Variants in JAKMIP3 observed in about 807,000 individuals in gnomAD.
The protein encoded by JAKMIP3 is Janus kinase and microtubule interacting protein 3, also known as janus kinase and microtubule-interacting protein 3.
In JAKMIP3, 58 loss-of-function variants were observed where a neutral mutation model predicts 118.5. The observed-to-expected ratio is 0.49, with a 90% confidence interval of 0.40 to 0.61. JAKMIP3 has a LOEUF of 0.61. Among genes scored for constraint, JAKMIP3 ranks in the 20% least tolerant of loss-of-function variants. JAKMIP3 has a pLI of 0.00. For synonymous variants in JAKMIP3, 486 were observed against 451.2 expected, an observed-to-expected ratio of 1.08 and a Z score of -0.98; for missense variants, 950 against 1,109.0, an observed-to-expected ratio of 0.86 and a Z score of 2.04.
intron 1 of JAKMIP3, among the ~76,000 whole-genome samples, chr10:132,045,933 T>C (rs1451365587): frequency 6.9e-6 from 1 of 144,138 alleles, no homozygotes; most frequent in Non-Finnish European, 1.5e-5. Flanking sequence ...GATCCTGTCT[T>C]AAAAAAAAAA....
rs191001606 is a variant in JAKMIP3 at position 132,140,905 on chromosome 10, C to T, written c.1473+326C>T. Among the ~76,000 whole-genome samples the T allele has an allele frequency of 7.9e-5, 12 of 152,326 alleles. No homozygotes were observed. In the East Asian group the frequency reaches 2.3e-3, roughly 29 times the overall value. ...TGCATAGGGGTACGGTGAGCTCTCC[C>T]TTCCTAAGGGGCCTCCCCAGGAGGG... On this transcript the variant is annotated intron_variant, in intron 10 of 23. Transcript: ENST00000684848.
At chr10:132,180,584 C>T (rs61865792) in intron 23 of JAKMIP3, among the ~76,000 whole-genome samples, 524 of 9,840 alleles carry the variant, frequency 0.053, 150 homozygotes, top group African/African-American at 0.19. Flanking sequence ...TGTGTGCGTG[C>T]GCGTGTGTGT....
upstream of JAKMIP3, among the ~76,000 whole-genome samples, chr10:132,060,686 A>G (rs955327416): frequency 1.3e-5 from 2 of 152,228 alleles, no homozygotes; most frequent in African/African-American, 4.8e-5. Flanking sequence ...GATTGGAAAG[A>G]AACAAAAATA....
chr10:132,132,902 G>A (rs112713460), intron 3 of JAKMIP3, among the ~76,000 whole-genome samples: 16 of 152,322 alleles, frequency 1.1e-4, no homozygotes, highest in African/African-American at 3.6e-4. Context: ...CCTTCCTATT[G>A]GCAGAGTGTG....
At chr10:132,078,603 G>C (rs1194590693) in intron 1 of JAKMIP3, among the ~76,000 whole-genome samples, 8 of 125,970 alleles carry the variant, frequency 6.4e-5, no homozygotes, top group Admixed American at 8.4e-5. Flanking sequence ...CTGAGCCCAG[G>C]GACCTTCTCT....
intron 1 of JAKMIP3, among the ~76,000 whole-genome samples, chr10:132,043,382 G>A (rs2037818072): frequency 6.6e-6 from 1 of 151,896 alleles, no homozygotes; most frequent in South Asian, 2.1e-4. Context: ...TTCCGTTTGT[G>A]TGTGTGTGTG....
At chr10:132,102,798 G>T (rs530791684) in intron 1 of JAKMIP3, among the ~76,000 whole-genome samples, 30 of 152,284 alleles carry the variant, frequency 2.0e-4, no homozygotes, top group Middle Eastern at 6.8e-3. Flanking sequence ...TCATCAAACT[G>T]CAGGGCCCAT....
intron 1 of JAKMIP3, among the ~76,000 whole-genome samples, chr10:132,094,512 A>G (rs1450949994): frequency 2.0e-5 from 3 of 151,890 alleles, no homozygotes; most frequent in Non-Finnish European, 2.9e-5. Flanking sequence ...GGTGGGCTGT[A>G]GTGATTGTTA....
At chr10:132,125,296 T>C (rs1457038261) in intron 3 of JAKMIP3, among the ~76,000 whole-genome samples, 3 of 152,248 alleles carry the variant, frequency 2.0e-5, no homozygotes, top group Non-Finnish European at 2.9e-5. Flanking sequence ...TGTGTGGATA[T>C]CCAACTATTT....
At chr10:132,074,839 G>A (rs2040521806) in intron 1 of JAKMIP3, among the ~76,000 whole-genome samples, 1 of 152,124 alleles carries the variant, frequency 6.6e-6, no homozygotes, top group Non-Finnish European at 1.5e-5. Flanking sequence ...AATCCATCTT[G>A]AGTTAATTTT....
intron 23 of JAKMIP3, among the ~76,000 whole-genome samples, chr10:132,174,188 G>A (rs1465612497): frequency 1.3e-5 from 2 of 151,778 alleles, no homozygotes; most frequent in African/African-American, 4.8e-5. Context: ...CCCCAACACA[G>A]ACCGTCCCAT....
chr10:132,141,250 C>T (rs750365889), intron 10 of JAKMIP3, among the ~76,000 whole-genome samples: 1 of 152,176 alleles, frequency 6.6e-6, no homozygotes. Flanking sequence ...CTAAGACATC[C>T]TCTCACAGCC....
intron 3 of JAKMIP3, among the ~76,000 whole-genome samples, chr10:132,131,437 G>A (rs1308444776): frequency 6.6e-6 from 1 of 151,092 alleles, no homozygotes; most frequent in Non-Finnish European, 1.5e-5. Context: ...ATGGGGGCCT[G>A]AGAGACAGGG....
chr10:132,160,249 C>T (rs1385227388), intron 19 of JAKMIP3, among the ~76,000 whole-genome samples: 6 of 5,134 alleles, frequency 1.2e-3, no homozygotes, highest in Admixed American at 2.4e-3. Context: ...GGGGGCCTCT[C>T]ACTGTGTGAT....
At chr10:132,156,811 T>C (rs935162515) in intron 19 of JAKMIP3, among the ~76,000 whole-genome samples, 9 of 152,304 alleles carry the variant, frequency 5.9e-5, no homozygotes, top group African/African-American at 2.2e-4. Context: ...CGGAGGTTTT[T>C]AAATCCAGCC....
chr10:132,142,128 C>T, intron 11 of JAKMIP3, 80 bp downstream of exon 11: 1 of 1,433,272 alleles, frequency 7.0e-7, no homozygotes, highest in Non-Finnish European at 9.3e-7. Flanking sequence ...GGGACACCCC[C>T]CTCACTAGCC....
At chr10:132,050,490 G>T (rs1424243010) in intron 1 of JAKMIP3, among the ~76,000 whole-genome samples, 1 of 152,168 alleles carries the variant, frequency 6.6e-6, no homozygotes, top group Non-Finnish European at 1.5e-5. Context: ...GTGGGGCCTG[G>T]ATTTGTTGCT....
At chr10:132,146,210 T>C (rs78140371) in intron 13 of JAKMIP3, among the ~76,000 whole-genome samples, 1,633 of 134,096 alleles carry the variant, frequency 0.012, 31 homozygotes, top group African/African-American at 0.044. Flanking sequence ...GATCAGAACA[T>C]GCGATGTGTG....
chr10:132,055,198 T>G (rs2038206476), intron 1 of JAKMIP3, among the ~76,000 whole-genome samples: 2 of 152,192 alleles, frequency 1.3e-5, no homozygotes, highest in East Asian at 3.8e-4. Context: ...ACAGGAGTAG[T>G]GCCTTTCTCT....
Sources: allele counts gnomAD v4.1 joint callset (sites outside exome capture counted in the v4.1 genomes callset), GRCh38; gene constraint gnomAD v4.1.1; transcripts MANE v1.5; gene names NCBI Gene and HGNC (gene_info 2026-07-23, HGNC 2026-07-21).